CLPB: variants seen among roughly 807,000 people sequenced by gnomAD.
CLPB encodes the protein ClpB family mitochondrial disaggregase.
CLPB carries 40 observed loss-of-function variants against 78.4 expected under a neutral mutation model. The ratio of observed to expected loss-of-function variants is 0.51; its 90% CI spans 0.40 to 0.66. CLPB has a LOEUF of 0.66. Among genes scored for constraint, CLPB ranks in the 30% least tolerant of loss-of-function variants. The probability of loss-of-function intolerance (pLI) is 0.00; values close to 1 mark genes in which losing one functional copy is unlikely to be tolerated. For synonymous variants in CLPB, 333 were observed against 348.0 expected, an observed-to-expected ratio of 0.96 and a Z score of 0.48; for missense variants, 780 against 886.9, an observed-to-expected ratio of 0.88 and a Z score of 1.53.
At chr11:72,359,238 G>A in intron 4 of CLPB, 1 of 681,422 alleles carries the variant, frequency 1.5e-6, no homozygotes, top group Non-Finnish European at 2.7e-6. Flanking sequence ...ATTCATCCTG[G>A]GGACATGAAA....
chr11:72,373,218 T>C (rs1023400721), intron 4 of CLPB, among the ~76,000 whole-genome samples: 1 of 152,230 alleles, frequency 6.6e-6, no homozygotes, highest in Non-Finnish European at 1.5e-5. Context: ...TATAGCCTGC[T>C]CTGGCTGCGT....
intron 11 of CLPB, among the ~76,000 whole-genome samples, chr11:72,296,848 G>C (rs1296573095): frequency 6.6e-6 from 1 of 152,154 alleles, no homozygotes; most frequent in Non-Finnish European, 1.5e-5. Flanking sequence ...GGTAGGTGCA[G>C]TTAGGACCCC....
chr11:72,426,575 AAAGAG>A (rs1395859480), intron 2 of CLPB, among the ~76,000 whole-genome samples: 1 of 152,100 alleles, frequency 6.6e-6, no homozygotes, highest in Admixed American at 6.6e-5. Flanking sequence ...GGGAGGGAGG[AAAGAG>A]AAGAGACCTG....
At chr11:72,318,583 G>T (rs2135530443) in intron 6 of CLPB, among the ~76,000 whole-genome samples, 1 of 152,322 alleles carries the variant, frequency 6.6e-6, no homozygotes, top group South Asian at 2.1e-4. Context: ...AAAAGTTGTG[G>T]TTGCAGATTG....
Position 72,402,175 on chromosome 11 carries a change from G to T in CLPB, c.542+791C>A, listed in dbSNP as rs10082673. 2.3e-3 allele frequency among the ~76,000 whole-genome samples: 348 copies of T among 152,176 alleles called. 2 individuals are homozygous for T. Among genetic ancestry groups the T allele is most frequent in the African/African-American group, 7.7e-3 (320 of 41,510 alleles). On this transcript the variant is annotated intron_variant, in intron 3 of 15. Coordinates refer to ENST00000538039, the MANE Select transcript of CLPB (RefSeq NM_001258392.3). ...CTCAGGAGGGTGAGGTGGGTGGATC[G>T]CTTGAACCCAGGAGGCTGGGGCTGC...
intron 5 of CLPB, chr11:72,352,739 T>G (rs911369631): frequency 6.6e-6 from 1 of 152,266 alleles, no homozygotes; most frequent in African/African-American, 2.4e-5. Context: ...GCAAAAATCA[T>G]GTCTGGATCA....
intron 3 of CLPB, among the ~76,000 whole-genome samples, chr11:72,398,855 T>C (rs1335261274): frequency 2.0e-5 from 3 of 152,192 alleles, no homozygotes; most frequent in South Asian, 2.1e-4. Context: ...TAGTAGAATG[T>C]TGGTAAAGCT....
chr11:72,308,385 A>T, intron 8 of CLPB, 142 bp downstream of exon 8: 1 of 675,348 alleles, frequency 1.5e-6, no homozygotes, highest in Non-Finnish European at 2.7e-6. Flanking sequence ...TGGCTCTGTA[A>T]TCTGGAGGCC....
intron 5 of CLPB, among the ~76,000 whole-genome samples, chr11:72,345,949 T>TA (rs1480499757): frequency 7.9e-5 from 12 of 152,200 alleles, no homozygotes; most frequent in Admixed American, 3.3e-4. Context: ...TAAGATGTAT[T>TA]ATAGGATTGA....
chr11:72,299,009 C>A (rs1949607457), intron 11 of CLPB, among the ~76,000 whole-genome samples: 2 of 152,256 alleles, frequency 1.3e-5, no homozygotes, highest in African/African-American at 2.4e-5. Flanking sequence ...ACCCATAAAA[C>A]TGATGAACGG....
chr11:72,385,056 C>A (rs1162201837), intron 3 of CLPB, among the ~76,000 whole-genome samples: 1 of 152,196 alleles, frequency 6.6e-6, no homozygotes, highest in Non-Finnish European at 1.5e-5. Flanking sequence ...TATAACAGAC[C>A]TATACAGAAC....
Position 72,286,353 on chromosome 11 carries a change from G to A in CLPB, c.*7014C>T, listed in dbSNP as rs1949390808. 6.7e-6 allele frequency: 1 copy of A among 150,132 alleles called. No homozygotes were observed. Among genetic ancestry groups the A allele is most frequent in the South Asian group, 2.1e-4 (1 of 4,766 alleles). 9.3% of individuals were successfully genotyped at this position (150,132 alleles called of 1,614,324 possible). A position where few individuals can be genotyped will look rare whatever the true frequency, so the allele number is the denominator to read the frequency against. ...TCAAGGAATCTTCCACCTCAGCCTC[G>A]AGTAGCTGGGTATACAGGCATGCAC... On this transcript the variant is annotated 3_prime_UTR_variant, in exon 16 of 16. Coordinates refer to ENST00000538039, the MANE Select transcript of CLPB (RefSeq NM_001258392.3).
At chr11:72,401,510 A>C (rs1855560827) in intron 3 of CLPB, among the ~76,000 whole-genome samples, 1 of 152,192 alleles carries the variant, frequency 6.6e-6, no homozygotes, top group African/African-American at 2.4e-5. Flanking sequence ...AAAGAGAGCA[A>C]ATCAGGAAAC....
intron 5 of CLPB, among the ~76,000 whole-genome samples, chr11:72,335,374 T>C (rs1319444668): frequency 1.3e-5 from 2 of 152,202 alleles, no homozygotes; most frequent in Admixed American, 6.5e-5. Flanking sequence ...GATACTCCCT[T>C]CTACTACATC....
At chr11:72,389,762 A>C (rs1189332344) in intron 3 of CLPB, among the ~76,000 whole-genome samples, 3 of 151,956 alleles carry the variant, frequency 2.0e-5, no homozygotes. Context: ...CCTGTCACTT[A>C]AAAAAAATTA....
At chr11:72,311,903 C>T (rs984594012) in intron 7 of CLPB, among the ~76,000 whole-genome samples, 1 of 152,234 alleles carries the variant, frequency 6.6e-6, no homozygotes, top group East Asian at 1.9e-4. Context: ...TTTCTCCTGG[C>T]CATGCTTGTC....
rs182056123 is a variant in CLPB at position 72,331,849 on chromosome 11, T to C, written c.776-2045A>G. On this transcript the variant is annotated intron_variant, in intron 5 of 15. Coordinates refer to ENST00000538039, the MANE Select transcript of CLPB (RefSeq NM_001258392.3). ...TTGGTCTCCCAAAGTGCTGGGATTA[T>C]AGGTGTGAGCCACCATGCCCAGCCA... is the stretch of plus-strand genomic sequence containing the variant. 9.6e-3 allele frequency among the ~76,000 whole-genome samples: 1,449 copies of C among 151,686 alleles called. 19 individuals carry two copies. Among genetic ancestry groups the C allele is most frequent in the African/African-American group, 0.034 (1,400 of 41,364 alleles).
chr11:72,351,968 C>T (rs1361454966), intron 5 of CLPB, among the ~76,000 whole-genome samples: 1 of 152,106 alleles, frequency 6.6e-6, no homozygotes, highest in Non-Finnish European at 1.5e-5. Context: ...AAAACGGACA[C>T]ACCCACATAA....
chr11:72,343,837 C>T (rs896464411), intron 5 of CLPB, among the ~76,000 whole-genome samples: 14 of 152,244 alleles, frequency 9.2e-5, no homozygotes, highest in African/African-American at 3.4e-4. Context: ...GAGAGAGAAG[C>T]AAAGATTAAA....
Sources: allele counts gnomAD v4.1 joint callset (sites outside exome capture counted in the v4.1 genomes callset), GRCh38; gene constraint gnomAD v4.1.1; transcripts MANE v1.5; gene names NCBI Gene and HGNC (gene_info 2026-07-23, HGNC 2026-07-21).